SPATA6L: variants seen among roughly 807,000 people sequenced by gnomAD.
The protein encoded by SPATA6L is spermatogenesis associated 6-like protein.
Under a neutral mutation model 49.2 loss-of-function variants are expected in SPATA6L, and 68 were observed. The observed-to-expected ratio is 1.38, with a 90% confidence interval of 1.14 to 1.69. The LOEUF (loss-of-function observed/expected upper bound fraction) is 1.69. Ranked by LOEUF, SPATA6L falls within the 40% of genes most tolerant of loss-of-function variation. The pLI is 0.00. For missense variants in SPATA6L, 668 were observed against 464.3 expected (o/e 1.44, Z -4.03); for synonymous variants, 198 against 165.7 (o/e 1.19, Z -1.50).
In SPATA6L at chr9:4,625,462, C is replaced by G; in HGVS notation, c.534G>C (p.Leu178=). 6.2e-7 allele frequency: 1 copy of G among 1,614,018 alleles called. No individual in the cohort carries two copies. The highest frequency in any genetic ancestry group is 8.5e-7 in the Non-Finnish European group (1 of 1,179,980). The change falls in exon 6 of 12, where the codon CTG becomes CTC. Residue 178 remains leucine, a synonymous_variant. Coordinates refer to ENST00000682582, the MANE Select transcript of SPATA6L (RefSeq NM_001353486.2). The part of the protein sequence containing the change: ...MKLKENNLNR[L]PKGMQARAPS... ...GCGCCCGGGCTTGCATGCCTTTGGG[C>G]AGTCTGTTGAGATTATTCTCCTTTA...
At chr9:4,650,928 C>T (rs1175619960) in intron 3 of SPATA6L, among the ~76,000 whole-genome samples, 1 of 151,768 alleles carries the variant, frequency 6.6e-6, no homozygotes, top group Non-Finnish European at 1.5e-5. Context: ...TCTTGAACTC[C>T]TGAGCTCAAG....
chr9:4,609,858 C>G (rs1268782932), intron 9 of SPATA6L, among the ~76,000 whole-genome samples: 1 of 152,042 alleles, frequency 6.6e-6, no homozygotes, highest in Non-Finnish European at 1.5e-5. Context: ...GTCAAATTGT[C>G]CCTGTTTGCA....
intron 4 of SPATA6L, 73 bp from the exon 5 acceptor site, chr9:4,629,241 A>G (rs949173067): frequency 9.8e-7 from 1 of 1,016,772 alleles, no homozygotes. Context: ...CTAACTTGAA[A>G]TCATACAAGA....
At chr9:4,622,017 C>T (rs139032140) in intron 7 of SPATA6L, among the ~76,000 whole-genome samples, 49 of 152,200 alleles carry the variant, frequency 3.2e-4, no homozygotes, top group African/African-American at 1.2e-3. Flanking sequence ...TGTTACATCT[C>T]CTGATCACCA....
At chr9:4,605,278 A>C (rs1291678769) in intron 10 of SPATA6L, 69 bp downstream of exon 10, 1 of 1,205,994 alleles carries the variant, frequency 8.3e-7, no homozygotes, top group African/African-American at 1.5e-5. Flanking sequence ...TGTCTCCCCG[A>C]CTAGACTGTA....
Position 4,661,293 on chromosome 9 carries a change from G to A in SPATA6L, c.177+606C>T, listed in dbSNP as rs1839666022. ...AAACAAAAATGTTAAGAGATTGTCA[G>A]TGATGACATAGTAATAACATCAATA... On this transcript the variant is annotated intron_variant, in intron 2 of 11. Coordinates refer to ENST00000682582, the MANE Select transcript of SPATA6L (RefSeq NM_001353486.2). 2.0e-5 allele frequency among the ~76,000 whole-genome samples: 3 copies of A among 152,178 alleles called. No homozygotes were observed. The South Asian group carries it at 6.2e-4, about 32-fold the overall frequency.
chr9:4,660,932 C>T (rs1475913130), intron 2 of SPATA6L, among the ~76,000 whole-genome samples: 3 of 151,902 alleles, frequency 2.0e-5, no homozygotes, highest in Admixed American at 6.6e-5. Flanking sequence ...ATCACAAGGA[C>T]AGAAAACCAA....
intron 13 of SPATA6L, among the ~76,000 whole-genome samples, chr9:4,590,150 C>T (rs746235506): frequency 3.3e-5 from 5 of 152,164 alleles, no homozygotes; most frequent in Non-Finnish European, 5.9e-5. Flanking sequence ...TCTCAAACTC[C>T]TGACCTCAGG....
chr9:4,618,235 C>T (rs1328072107), intron 8 of SPATA6L, 125 bp from the exon 9 acceptor site: 1 of 716,476 alleles, frequency 1.4e-6, no homozygotes, highest in Non-Finnish European at 2.2e-6. Context: ...CCCCAGGGAT[C>T]TCCTGCAAAT....
At chr9:4,624,465 T>C (rs859694) in intron 6 of SPATA6L, among the ~76,000 whole-genome samples, 52 of 152,266 alleles carry the variant, frequency 3.4e-4, no homozygotes, top group African/African-American at 1.1e-3. Flanking sequence ...CAGTGGCTCA[T>C]GCCTGTAATC....
intron 11 of SPATA6L, among the ~76,000 whole-genome samples, chr9:4,601,848 T>G (rs558507252): frequency 6.6e-6 from 1 of 152,350 alleles, no homozygotes; most frequent in East Asian, 1.9e-4. Flanking sequence ...AGCTATTTGA[T>G]CTTGCCTGTT....
chr9:4,663,300 G>A, intron 1 of SPATA6L: 1 of 1,586,086 alleles, frequency 6.3e-7, no homozygotes, highest in Non-Finnish European at 8.6e-7. Flanking sequence ...GAAGTCTGAA[G>A]GTTTCCACAT....
At chr9:4,597,594 T>C (rs918816587), downstream of SPATA6L, among the ~76,000 whole-genome samples, 2 of 152,176 alleles carry the variant, frequency 1.3e-5, no homozygotes, top group African/African-American at 4.8e-5. Flanking sequence ...GTTCTTTCCT[T>C]TGATAAACAA....
chr9:4,597,383 G>A (rs976966665), downstream of SPATA6L, among the ~76,000 whole-genome samples: 1 of 151,344 alleles, frequency 6.6e-6, no homozygotes, highest in Non-Finnish European at 1.5e-5. Context: ...GGGGCGTGGG[G>A]GGTGAGGTGG....
chr9:4,658,282 C>G (rs765510364), intron 2 of SPATA6L, among the ~76,000 whole-genome samples: 2 of 152,174 alleles, frequency 1.3e-5, no homozygotes, highest in Non-Finnish European at 2.9e-5. Flanking sequence ...ACTGCTTAAA[C>G]AATGACTTAT....
In SPATA6L at chr9:4,610,491, C is replaced by T. The variant is rs551868781; in HGVS notation, c.996-5051G>A. Among the ~76,000 whole-genome samples, 169 of 134,836 alleles carry T rather than the reference C, an allele frequency of 1.3e-3. 1 individual carries two copies. The highest frequency in any genetic ancestry group is 4.5e-3 in the African/African-American group (159 of 35,408). 88.5% of individuals were successfully genotyped at this position (134,836 alleles called of 152,430 possible). A position where few individuals can be genotyped will look rare whatever the true frequency, so the allele number is the denominator to read the frequency against. On this transcript the variant is annotated intron_variant, in intron 9 of 11. Coordinates refer to ENST00000682582, the MANE Select transcript of SPATA6L (RefSeq NM_001353486.2). The stretch of plus-strand genomic sequence containing the variant: ...AGAACAGAGCCCTCAGAAATAATGC[C>T]GCATATCTACAACTATCTGATCTTT...
intron 3 of SPATA6L, among the ~76,000 whole-genome samples, chr9:4,637,944 T>C (rs1394126620): frequency 1.3e-5 from 2 of 152,208 alleles, no homozygotes; most frequent in Non-Finnish European, 2.9e-5. Flanking sequence ...CCTTCATTCA[T>C]TTTCCAATAA....
At chr9:4,624,975 A>G (rs1260779397) in intron 6 of SPATA6L, among the ~76,000 whole-genome samples, 1 of 152,208 alleles carries the variant, frequency 6.6e-6, no homozygotes, top group Non-Finnish European at 1.5e-5. Context: ...GGATTGATAT[A>G]GAGTGTGTGC....
rs754703903 is a variant in SPATA6L at position 4,617,956 on chromosome 9, G to T, written c.962C>A (p.Pro321His). The T allele has an allele frequency of 6.2e-7, 1 of 1,613,860 alleles. No homozygotes were observed. Among genetic ancestry groups the T allele is most frequent in the Non-Finnish European group, 8.5e-7 (1 of 1,179,926 alleles). The change falls in exon 9 of 12, where the codon CCT (proline) becomes CAT (histidine). Residue 321 changes from proline to histidine, a missense_variant. Pro to His is a moderately conservative substitution (Grantham distance 77). Transcript: ENST00000682582. ...GAGAAGGGGCTGATCCAAGGGGCCA[G>T]GAGAGGTGGAATGCTGGTAGGTGGC... ...SFATYQHSTS[P>H]GPLDQPLLRE...
Sources: allele counts gnomAD v4.1 joint callset (sites outside exome capture counted in the v4.1 genomes callset), GRCh38; gene constraint gnomAD v4.1.1; transcripts MANE v1.5; gene names NCBI Gene and HGNC (gene_info 2026-07-23, HGNC 2026-07-21).